Variants in FGD4 observed in about 807,000 individuals in gnomAD.
FGD4 encodes the protein FYVE, RhoGEF and PH domain-containing protein 4.
A neutral mutation model predicts 102.0 loss-of-function variants in FGD4; 42 were observed. The ratio of observed to expected loss-of-function variants is 0.41; its 90% CI spans 0.32 to 0.53. The LOEUF (loss-of-function observed/expected upper bound fraction) is 0.53, where lower values mean the gene tolerates loss of function less well. Ranked by LOEUF, FGD4 falls within the 20% of genes least tolerant of loss-of-function variation. The probability of loss-of-function intolerance (pLI) is 0.21; values close to 1 mark genes in which losing one functional copy is unlikely to be tolerated. For synonymous variants in FGD4, 380 were observed against 375.7 expected (o/e 1.01, Z -0.13); for missense variants, 902 against 1,078.2 (o/e 0.84, Z 2.29).
intron 1 of FGD4, among the ~76,000 whole-genome samples, chr12:32,480,156 G>T (rs11052020): frequency 0.38 from 55,516 of 146,284 alleles, 11,300 homozygotes; most frequent in South Asian, 0.56. Flanking sequence ...GTTTGTGGGG[G>T]TTTTTTTTGT....
intron 1 of FGD4, among the ~76,000 whole-genome samples, chr12:32,557,404 C>CT (rs1300850819): frequency 1.3e-5 from 2 of 152,056 alleles, no homozygotes; most frequent in African/African-American, 4.8e-5. Flanking sequence ...ATAACTTATT[C>CT]TTTTTAAAAA....
intron 4 of FGD4, among the ~76,000 whole-genome samples, chr12:32,594,680 A>G (rs1947735384): frequency 6.6e-6 from 1 of 152,168 alleles, no homozygotes; most frequent in African/African-American, 2.4e-5. Flanking sequence ...CTGGAACTGT[A>G]CACCAAAAAG....
chr12:32,466,880 A>T (rs1173422898), intron 1 of FGD4, among the ~76,000 whole-genome samples: 3 of 151,428 alleles, frequency 2.0e-5, no homozygotes, highest in Non-Finnish European at 4.4e-5. Context: ...AAAAAAAAAA[A>T]AAAAAAAAAA....
intron 1 of FGD4, among the ~76,000 whole-genome samples, chr12:32,411,885 G>A (rs1360996824): frequency 6.6e-6 from 1 of 152,112 alleles, no homozygotes; most frequent in Non-Finnish European, 1.5e-5. Context: ...TGAGGCAGGA[G>A]AATCTCTTGA....
chr12:32,531,116 T>A (rs1485573749), intron 1 of FGD4, among the ~76,000 whole-genome samples: 1 of 151,684 alleles, frequency 6.6e-6, no homozygotes, highest in Non-Finnish European at 1.5e-5. Context: ...CATGCCCAGC[T>A]AATTTTTGTA....
intron 1 of FGD4, among the ~76,000 whole-genome samples, chr12:32,445,220 A>C (rs1282542472): frequency 1.3e-5 from 2 of 152,234 alleles, no homozygotes; most frequent in African/African-American, 4.8e-5. Flanking sequence ...ATTTAGGGAA[A>C]TCTCAGTCTG....
At chr12:32,468,524 C>A (rs1474688498) in intron 1 of FGD4, among the ~76,000 whole-genome samples, 2 of 152,124 alleles carry the variant, frequency 1.3e-5, no homozygotes, top group Non-Finnish European at 2.9e-5. Flanking sequence ...TAAGAAGGAT[C>A]TGTGTGCCTT....
intron 1 of FGD4, among the ~76,000 whole-genome samples, chr12:32,501,774 T>C (rs1314798216): frequency 6.6e-6 from 1 of 152,248 alleles, no homozygotes; most frequent in Non-Finnish European, 1.5e-5. Flanking sequence ...CTGATGAAGC[T>C]TAGATTTCTA....
chr12:32,596,404 C>T (rs1430188828), intron 4 of FGD4, among the ~76,000 whole-genome samples: 2 of 152,150 alleles, frequency 1.3e-5, no homozygotes, highest in Non-Finnish European at 2.9e-5. Context: ...AATAATCAAA[C>T]ATGCATTTGA....
Position 32,455,632 on chromosome 12 carries a change from C to T in FGD4, c.166+55673C>T, listed in dbSNP as rs138126065. On this transcript the variant is annotated intron_variant, in intron 1 of 16. Transcript: ENST00000534526. ...GTTCTGTGCAGCTTTTATGAAGACT[C>T]AAATTTGAGGGTATGTGATTTTTGT... Among the ~76,000 whole-genome samples, 246 of 152,122 alleles carry T rather than the reference C, an allele frequency of 1.6e-3. 1 individual carries two copies. The highest frequency in any genetic ancestry group is 5.7e-3 in the African/African-American group (236 of 41,522).
chr12:32,433,748 G>A (rs1200661843), intron 1 of FGD4, among the ~76,000 whole-genome samples: 1 of 152,154 alleles, frequency 6.6e-6, no homozygotes, highest in African/African-American at 2.4e-5. Context: ...GTTGCTTTGA[G>A]ACAAAGTTAC....
intron 1 of FGD4, among the ~76,000 whole-genome samples, chr12:32,402,117 A>AT (rs56852726): frequency 0.029 from 3,066 of 105,004 alleles, 120 homozygotes; most frequent in Non-Finnish European, 0.034. Flanking sequence ...TTGGCCAGGC[A>AT]TTTTTTTTTT....
At chr12:32,617,201 T>C (rs1002000497) in intron 10 of FGD4, among the ~76,000 whole-genome samples, 1 of 152,218 alleles carries the variant, frequency 6.6e-6, no homozygotes, top group Non-Finnish European at 1.5e-5. Context: ...TGAAATAAAC[T>C]GTCTGACATC....
At chr12:32,408,178 T>G (rs1489583740) in intron 1 of FGD4, among the ~76,000 whole-genome samples, 1 of 149,822 alleles carries the variant, frequency 6.7e-6, no homozygotes, top group Non-Finnish European at 1.5e-5. Context: ...TTTTTTTTTT[T>G]TTTTTTTGAG....
intron 1 of FGD4, among the ~76,000 whole-genome samples, chr12:32,466,854 C>A (rs1190594871): frequency 8.2e-6 from 1 of 122,586 alleles, no homozygotes; most frequent in South Asian, 2.5e-4. Context: ...GGCAACACAG[C>A]GAGAGTCTGT....
At position 32,529,572 on chromosome 12, in the gene FGD4, C is replaced by T. The variant is rs550063014; in HGVS notation, c.167-34565C>T. Among the ~76,000 whole-genome samples, 15 of 151,466 alleles carry T rather than the reference C, an allele frequency of 9.9e-5. No individual in the cohort carries two copies. In the South Asian group the frequency reaches 1.0e-3, roughly 11 times the overall value. ...TAAAGCTGACATTGCCGGCCGGGCA[C>T]GGTAGCTCACGCCTGTAATCCCAGC... On this transcript the variant is annotated intron_variant, in intron 1 of 16. Transcript: ENST00000534526.
chr12:32,527,950 C>T (rs942464781), intron 1 of FGD4, among the ~76,000 whole-genome samples: 12 of 151,642 alleles, frequency 7.9e-5, no homozygotes, highest in Admixed American at 5.9e-4. Flanking sequence ...GATAAAATTT[C>T]CTTTTTCTTT....
chr12:32,434,082 C>T (rs545473983), intron 1 of FGD4, among the ~76,000 whole-genome samples: 13 of 152,084 alleles, frequency 8.5e-5, no homozygotes, highest in African/African-American at 2.4e-4. Context: ...TCTTGATCTC[C>T]TGACCTCGTG....
At chr12:32,539,433 G>A (rs1299622439) in intron 1 of FGD4, among the ~76,000 whole-genome samples, 3 of 152,164 alleles carry the variant, frequency 2.0e-5, no homozygotes, top group South Asian at 2.1e-4. Flanking sequence ...GCTGGGCGTA[G>A]TGGCACATGC....
Sources: gnomAD v4.1 joint callset for allele counts (sites outside exome capture counted in the v4.1 genomes callset) on GRCh38, gnomAD v4.1.1 for gene constraint, MANE v1.5 for transcripts, NCBI Gene and HGNC (gene_info 2026-07-23, HGNC 2026-07-21) for gene names.